Variants in CRY1 observed in about 807,000 individuals in gnomAD.
CRY1 encodes the protein cryptochrome-1.
In CRY1, 45 loss-of-function variants were observed where a neutral mutation model predicts 76.0. That is an observed-to-expected ratio of 0.59 (90% confidence interval 0.47 to 0.76). The LOEUF is 0.76. CRY1 is among the 30% of genes least tolerant of loss of function. The pLI is 0.00. For missense variants in CRY1, 587 were observed against 716.4 expected, an observed-to-expected ratio of 0.82 and a Z score of 2.06; for synonymous variants, 248 against 244.0, an observed-to-expected ratio of 1.02 and a Z score of -0.15.
intron 5 of CRY1, among the ~76,000 whole-genome samples, chr12:107,000,896 TGCGTCA>T (rs1952301094): frequency 6.6e-6 from 1 of 151,942 alleles, no homozygotes; most frequent in Non-Finnish European, 1.5e-5. Flanking sequence ...GTGATCCACC[TGCGTCA>T]GCCTCCCAAA....
intron 1 of CRY1, among the ~76,000 whole-genome samples, chr12:107,043,895 A>C (rs1483110520): frequency 6.6e-6 from 1 of 152,006 alleles, no homozygotes. Flanking sequence ...TCAGATTCCT[A>C]AACTGCAGCT....
chr12:107,065,475 A>G (rs2136887410), intron 1 of CRY1, among the ~76,000 whole-genome samples: 1 of 152,036 alleles, frequency 6.6e-6, no homozygotes, highest in Admixed American at 6.6e-5. Context: ...CACGCCTGTA[A>G]TCCCAGCTAC....
intron 1 of CRY1, among the ~76,000 whole-genome samples, chr12:107,037,896 A>T (rs1046589420): frequency 1.3e-5 from 2 of 151,956 alleles, no homozygotes; most frequent in African/African-American, 4.8e-5. Context: ...TTTTGTAGCT[A>T]TGGGGTCTCA....
At chr12:107,086,112 G>A (rs1306569624) in intron 1 of CRY1, among the ~76,000 whole-genome samples, 3 of 152,128 alleles carry the variant, frequency 2.0e-5, no homozygotes, top group African/African-American at 7.2e-5. Context: ...CTTTGTAAAA[G>A]GCTGAACTTA....
At chr12:107,069,795 A>G (rs1953166258) in intron 1 of CRY1, among the ~76,000 whole-genome samples, 1 of 148,718 alleles carries the variant, frequency 6.7e-6, no homozygotes, top group Non-Finnish European at 1.5e-5. Context: ...CGACAAATAA[A>G]ACTGAAAAGA....
intron 1 of CRY1, among the ~76,000 whole-genome samples, chr12:107,075,053 T>C (rs1953235885): frequency 6.6e-6 from 1 of 151,862 alleles, no homozygotes; most frequent in African/African-American, 2.4e-5. Flanking sequence ...CAAAAACTAC[T>C]AGTGATCTCC....
intron 2 of CRY1, among the ~76,000 whole-genome samples, chr12:107,005,543 A>G (rs2136826893): frequency 6.6e-6 from 1 of 152,306 alleles, no homozygotes; most frequent in African/African-American, 2.4e-5. Context: ...AATTACTCAT[A>G]CTTACATTAT....
intron 4 of CRY1, 133 bp from the exon 5 acceptor site, chr12:107,001,501 G>C (rs949900751): frequency 1.3e-6 from 1 of 772,552 alleles, no homozygotes; most frequent in Non-Finnish European, 2.1e-6. Flanking sequence ...GCCTAAATAA[G>C]CCCTCACCTA....
rs138206542 is a variant in CRY1 at position 107,080,365 on chromosome 12, C to T, written c.158+12439G>A. Among the ~76,000 whole-genome samples the T allele has an allele frequency of 3.5e-4, 54 of 152,130 alleles. No individual in the cohort carries two copies. The East Asian group carries it at 0.01, about 29-fold the overall frequency. The stretch of plus-strand genomic sequence containing the variant: ...TATGATACATACAAACACACACACA[C>T]GTCCGGGGATCAGGAAAGAGATTTG... On this transcript the variant is annotated intron_variant, in intron 1 of 12. Coordinates refer to ENST00000008527, the MANE Select transcript of CRY1 (RefSeq NM_004075.5).
Position 107,069,350 on chromosome 12 carries a change from G to A in CRY1, c.158+23454C>T, listed in dbSNP as rs553219936. Reference sequence around the variant, plus strand: ...CACCATTCTCCTGCCTCAGCCTCCCGAGTAGCTGGGACTACAGGCGCCCGC... The same window carrying A: ...CACCATTCTCCTGCCTCAGCCTCCCAAGTAGCTGGGACTACAGGCGCCCGC... On this transcript the variant is annotated intron_variant, in intron 1 of 12. Coordinates refer to ENST00000008527, the MANE Select transcript of CRY1 (RefSeq NM_004075.5). Among the ~76,000 whole-genome samples, 510 of 150,606 alleles carry A rather than the reference G, an allele frequency of 3.4e-3. 3 individuals carry two copies. Among genetic ancestry groups the A allele is most frequent in the African/African-American group, 0.011 (459 of 40,956 alleles).
intron 1 of CRY1, among the ~76,000 whole-genome samples, chr12:107,040,343 G>A (rs1350384557): frequency 2.9e-5 from 4 of 138,034 alleles, no homozygotes; most frequent in African/African-American, 1.1e-4. Flanking sequence ...TGGAGGTGCA[G>A]TGGCACAATC....
chr12:107,085,493 A>G (rs1013168939), intron 1 of CRY1, among the ~76,000 whole-genome samples: 1 of 152,216 alleles, frequency 6.6e-6, no homozygotes, highest in South Asian at 2.1e-4. Flanking sequence ...ATAAAAAAGA[A>G]TGAGTTCATG....
chr12:107,010,912 CCT>C (rs1952437536), intron 2 of CRY1, among the ~76,000 whole-genome samples: 1 of 152,154 alleles, frequency 6.6e-6, no homozygotes, highest in South Asian at 2.1e-4. Context: ...CTCCTTATTC[CCT>C]GAGACAACAA....
chr12:107,022,390 A>T (rs1398921809), intron 1 of CRY1, among the ~76,000 whole-genome samples, 198 bp from the exon 2 acceptor site: 1 of 152,060 alleles, frequency 6.6e-6, no homozygotes, highest in Non-Finnish European at 1.5e-5. Flanking sequence ...ATTTTAATAA[A>T]ATACTGAATA....
At chr12:107,048,984 A>G (rs1392640311) in intron 1 of CRY1, among the ~76,000 whole-genome samples, 1 of 152,218 alleles carries the variant, frequency 6.6e-6, no homozygotes, top group Non-Finnish European at 1.5e-5. Flanking sequence ...AGCTATAGAT[A>G]TCCTCCTTTA....
chr12:107,066,012 A>G (rs1212225483), intron 1 of CRY1, among the ~76,000 whole-genome samples: 1 of 152,234 alleles, frequency 6.6e-6, no homozygotes, highest in Non-Finnish European at 1.5e-5. Flanking sequence ...ATGTTGCTAA[A>G]TAAGTCTAAT....
chr12:107,067,682 T>C (rs1239031893), intron 1 of CRY1, among the ~76,000 whole-genome samples: 1 of 152,146 alleles, frequency 6.6e-6, no homozygotes, highest in South Asian at 2.1e-4. Flanking sequence ...TAACAGTCTA[T>C]ACAGAAAGAT....
At chr12:107,018,973 C>T (rs537001152) in intron 2 of CRY1, among the ~76,000 whole-genome samples, 6 of 152,292 alleles carry the variant, frequency 3.9e-5, no homozygotes, top group East Asian at 1.9e-4. Flanking sequence ...ACACAACTAT[C>T]CCAATTAACT....
intron 3 of CRY1, among the ~76,000 whole-genome samples, chr12:107,003,025 A>G (rs895456291): frequency 6.6e-6 from 1 of 152,128 alleles, no homozygotes; most frequent in Non-Finnish European, 1.5e-5. Context: ...CATCGTGAAA[A>G]CAGACTAAAA....
Sources: gnomAD v4.1 joint callset for allele counts (sites outside exome capture counted in the v4.1 genomes callset) on GRCh38, gnomAD v4.1.1 for gene constraint, MANE v1.5 for transcripts, NCBI Gene and HGNC (gene_info 2026-07-23, HGNC 2026-07-21) for gene names.